TENM2: variants seen among roughly 807,000 people sequenced by gnomAD.
TENM2 encodes teneurin transmembrane protein 2, also known as teneurin-2.
TENM2 carries 52 observed loss-of-function variants against 245.2 expected under a neutral mutation model. That is an observed-to-expected ratio of 0.21 (90% CI 0.17 to 0.27). The LOEUF (loss-of-function observed/expected upper bound fraction) is 0.27, where lower values mean the gene tolerates loss of function less well. Ranked by LOEUF, TENM2 falls within the 10% of genes least tolerant of loss-of-function variation. The probability of loss-of-function intolerance (pLI) is 1.00; values close to 1 mark genes in which losing one functional copy is unlikely to be tolerated. For missense variants in TENM2, 3,046 were observed against 3,666.8 expected (o/e 0.83, Z 4.37); for synonymous variants, 1,363 against 1,438.9 (o/e 0.95, Z 1.19).
intron 26 of TENM2, among the ~76,000 whole-genome samples, chr5:168,245,528 A>G (rs1313223428): frequency 6.6e-6 from 1 of 151,412 alleles, no homozygotes; most frequent in African/African-American, 2.4e-5. Flanking sequence ...GAAAGTGCCA[A>G]ATTCAGGTCT....
chr5:167,578,312 C>A (rs1774853317), intron 2 of TENM2, among the ~76,000 whole-genome samples: 1 of 152,214 alleles, frequency 6.6e-6, no homozygotes, highest in East Asian at 1.9e-4. Flanking sequence ...CTGTTGAGAA[C>A]TCCTGGTCCA....
intron 2 of TENM2, among the ~76,000 whole-genome samples, chr5:167,875,533 C>T (rs927719064): frequency 6.6e-6 from 1 of 152,026 alleles, no homozygotes; most frequent in Non-Finnish European, 1.5e-5. Context: ...GCTAAGCGGG[C>T]GAATGATACA....
In TENM2 at chr5:168,215,281, C is replaced by T; in HGVS notation, c.4078+9C>T. On this transcript the variant is annotated intron_variant, in intron 21 of 28. Transcript: ENST00000518659. ...CCTGATGAGCCCGAGAGGTAAAGGACATCAAGGAAGAGTCTCCCGCCCCAG... is the reference window on the plus strand; with the variant it reads ...CCTGATGAGCCCGAGAGGTAAAGGATATCAAGGAAGAGTCTCCCGCCCCAG... 6.2e-7 allele frequency: 1 copy of T among 1,610,194 alleles called. No individual in the cohort carries two copies.
At chr5:167,565,146 T>C (rs1773831846) in intron 2 of TENM2, among the ~76,000 whole-genome samples, 1 of 152,270 alleles carries the variant, frequency 6.6e-6, no homozygotes, top group Non-Finnish European at 1.5e-5. Flanking sequence ...TTTTACAGGA[T>C]GACCTTATTT....
intron 1 of TENM2, among the ~76,000 whole-genome samples, chr5:167,360,848 C>T (rs917942446): frequency 3.9e-5 from 6 of 152,080 alleles, no homozygotes; most frequent in African/African-American, 1.4e-4. Context: ...TACTATCAAA[C>T]CATAAGTAGT....
At chr5:168,017,247 T>C (rs1391657732) in intron 5 of TENM2, among the ~76,000 whole-genome samples, 2 of 152,222 alleles carry the variant, frequency 1.3e-5, no homozygotes, top group African/African-American at 4.8e-5. Flanking sequence ...AGGTTTGAAT[T>C]TGGATATCAC....
chr5:168,167,474 A>T (rs536235638), intron 13 of TENM2, among the ~76,000 whole-genome samples: 12 of 152,242 alleles, frequency 7.9e-5, no homozygotes, highest in African/African-American at 2.9e-4. Context: ...ATCCTATGAG[A>T]TGCTTTCTCC....
intron 7 of TENM2, among the ~76,000 whole-genome samples, chr5:168,064,793 A>G (rs1790352081): frequency 6.6e-6 from 1 of 152,194 alleles, no homozygotes; most frequent in African/African-American, 2.4e-5. Flanking sequence ...TTGAGGGGTC[A>G]AGTAAGCAAG....
chr5:167,479,783 G>A lies in TENM2; in HGVS notation c.502+104310G>A, dbSNP rs187559426. On this transcript the variant is annotated intron_variant, in intron 2 of 28. Transcript: ENST00000518659. ...ATTGCAAGTTCATTCCCTGGTATAT[G>A]GAAACCGGAAGCATAGTAAGATCAG... is the stretch of plus-strand genomic sequence containing the variant. Among the ~76,000 whole-genome samples, 49 of 152,232 alleles carry A rather than the reference G, an allele frequency of 3.2e-4. No individual in the cohort carries two copies. In the East Asian group the frequency reaches 8.5e-3, roughly 26 times the overall value.
At chr5:166,997,809 T>C in the TENM2 span, among the ~76,000 whole-genome samples, 1 of 152,266 alleles carries the variant, frequency 6.6e-6, no homozygotes, top group African/African-American at 2.4e-5. Flanking sequence ...TGACTTATGC[T>C]AAGTGCCGGG....
chr5:168,199,831 T>TACAGTTTACACACAC, intron 16 of TENM2, 33 bp from the exon 19 acceptor site: 1 of 1,603,848 alleles, frequency 6.2e-7, no homozygotes, highest in Non-Finnish European at 8.5e-7. Flanking sequence ...AGGTGTGTTT[T>TACAGTTTACACACAC]AGGTGTGTGT....
intron 1 of TENM2, among the ~76,000 whole-genome samples, chr5:167,352,287 C>CT (rs1561885435): frequency 1.3e-5 from 2 of 152,162 alleles, no homozygotes; most frequent in African/African-American, 4.8e-5. Flanking sequence ...TCTACAATGG[C>CT]TGAGTTAGCT....
Position 167,788,066 on chromosome 5 carries a change from T to C in TENM2, c.503-87920T>C, listed in dbSNP as rs561453408. On this transcript the variant is annotated intron_variant, in intron 2 of 28. Transcript: ENST00000518659. ...TGGATGGGTGGCCCAAGGAATTTTC[T>C]GTTTTCCAAGTGGGTAGGACTGTTT... Among the ~76,000 whole-genome samples, 5 of 152,354 alleles carry C rather than the reference T, an allele frequency of 3.3e-5. No individual in the cohort carries two copies. The South Asian group carries it at 1.0e-3, about 32-fold the overall frequency.
chr5:168,143,076 G>A (rs1304029370), intron 12 of TENM2, among the ~76,000 whole-genome samples: 2 of 152,190 alleles, frequency 1.3e-5, no homozygotes, highest in Non-Finnish European at 2.9e-5. Context: ...AGGGAGTCAA[G>A]AGCTGGATTC....
intron 2 of TENM2, among the ~76,000 whole-genome samples, chr5:167,598,767 G>A (rs922847355): frequency 4.6e-5 from 7 of 151,310 alleles, no homozygotes; most frequent in Non-Finnish European, 7.4e-5. Context: ...TTTTAATGTC[G>A]GAGGCAATGA....
chr5:167,847,426 A>G (rs962296777), intron 2 of TENM2, among the ~76,000 whole-genome samples: 7 of 152,076 alleles, frequency 4.6e-5, no homozygotes, highest in African/African-American at 1.7e-4. Flanking sequence ...ACCCAAACTC[A>G]TTTTTTCTAT....
At chr5:168,117,370 T>G (rs1795154803) in intron 9 of TENM2, among the ~76,000 whole-genome samples, 1 of 152,214 alleles carries the variant, frequency 6.6e-6, no homozygotes, top group African/African-American at 2.4e-5. Context: ...TCCCTCCTTA[T>G]CCTCAGGGGA....
rs188225588 is a variant in TENM2 at position 167,749,406 on chromosome 5, G to A, written c.503-126580G>A. 1.1e-3 allele frequency among the ~76,000 whole-genome samples: 172 copies of A among 152,204 alleles called. 1 individual carries two copies. Among genetic ancestry groups the A allele is most frequent in the African/African-American group, 3.7e-3 (155 of 41,542 alleles). ...TATAATTTCAGCACTTTGGGAGGCC[G>A]AAGCGGGCAGATCATGAGGTCAGGA... is the stretch of plus-strand genomic sequence containing the variant. On this transcript the variant is annotated intron_variant, in intron 2 of 28. Coordinates refer to ENST00000518659, the Ensembl canonical transcript of TENM2.
intron 2 of TENM2, among the ~76,000 whole-genome samples, chr5:167,572,592 T>G (rs1171435771): frequency 2.0e-5 from 3 of 152,162 alleles, no homozygotes; most frequent in Non-Finnish European, 4.4e-5. Context: ...TTATACCAAA[T>G]AGTTGACCTT....
Sources: allele counts gnomAD v4.1 joint callset (sites outside exome capture counted in the v4.1 genomes callset), GRCh38; gene constraint gnomAD v4.1.1; transcripts MANE v1.5; gene names NCBI Gene and HGNC (gene_info 2026-07-23, HGNC 2026-07-21).